Variants in TANC1 observed in about 807,000 individuals in gnomAD.
The protein encoded by TANC1 is tetratricopeptide repeat, ankyrin repeat and coiled-coil containing 1, also known as protein TANC1.
In TANC1, 77 loss-of-function variants were observed where a neutral mutation model predicts 149.7. That is an observed-to-expected ratio of 0.51 (90% CI 0.43 to 0.62). TANC1 has a LOEUF of 0.62. Ranked by LOEUF, TANC1 falls within the 20% of genes least tolerant of loss-of-function variation. The pLI is 0.00. For synonymous variants in TANC1, 854 were observed against 925.0 expected (o/e 0.92, Z 1.39); for missense variants, 1,985 against 2,321.8 (o/e 0.85, Z 2.98).
chr2:159,182,532 C>T (rs2150573517), intron 14 of TANC1, among the ~76,000 whole-genome samples: 1 of 152,274 alleles, frequency 6.6e-6, no homozygotes, highest in South Asian at 2.1e-4. Context: ...TAGTTTCTCT[C>T]CTCATCTTTT....
At position 159,219,228 on chromosome 2, in the gene TANC1, T is replaced by C; in HGVS notation, c.3379-10T>C. ...AGCAGGAGGATGGTAATTCCAAATG[T>C]CTCTTCCAGATTGTTAGACTGCTGT... On this transcript the variant is annotated splice_polypyrimidine_tract_variant and intron_variant, in intron 20 of 26. Coordinates refer to ENST00000263635, the MANE Select transcript of TANC1 (RefSeq NM_033394.3). 1 of 1,614,086 alleles carries C rather than the reference T, an allele frequency of 6.2e-7. No individual in the cohort carries two copies. Among genetic ancestry groups the C allele is most frequent in the Non-Finnish European group, 8.5e-7 (1 of 1,179,986 alleles).
chr2:159,096,826 A>G (rs1008230782), intron 3 of TANC1, among the ~76,000 whole-genome samples: 1 of 152,176 alleles, frequency 6.6e-6, no homozygotes, highest in African/African-American at 2.4e-5. Context: ...TTGGCGGGAA[A>G]GTTGTTGACT....
rs574940957 is a variant in TANC1, at chr2:158,985,911, G to A, written c.-125-15169G>A. Among the ~76,000 whole-genome samples, 31 of 152,284 alleles carry A rather than the reference G, an allele frequency of 2.0e-4. 1 individual carries two copies. The highest frequency in any genetic ancestry group is 7.0e-4 in the African/African-American group (29 of 41,562). Reference sequence around the variant, plus strand: ...CTGCCTTGGCCTCTCAAAGTGCTGCGATTATAAGCATGAGCGACCGCACCC... The same window carrying A: ...CTGCCTTGGCCTCTCAAAGTGCTGCAATTATAAGCATGAGCGACCGCACCC... On this transcript the variant is annotated intron_variant, in intron 1 of 26. Coordinates refer to ENST00000263635, the MANE Select transcript of TANC1 (RefSeq NM_033394.3).
rs117422200 is a variant in TANC1, at chr2:159,211,946, C to T, written c.3245-5551C>T. On this transcript the variant is annotated intron_variant, in intron 19 of 26. Coordinates refer to ENST00000263635, the MANE Select transcript of TANC1 (RefSeq NM_033394.3). ...CAGGGTCCAACCCAGTTGCCATGCC[C>T]GGGGTGGCGCACTCGCCCCTTGTCA... is the stretch of plus-strand genomic sequence containing the variant. 4.9e-4 allele frequency among the ~76,000 whole-genome samples: 74 copies of T among 152,316 alleles called. No individual in the cohort carries two copies. In the East Asian group the frequency reaches 0.011, roughly 22 times the overall value.
intron 3 of TANC1, among the ~76,000 whole-genome samples, chr2:159,085,481 A>G (rs2044741226): frequency 6.6e-6 from 1 of 152,186 alleles, no homozygotes; most frequent in African/African-American, 2.4e-5. Flanking sequence ...GGGCCGATAT[A>G]CACAATGGGC....
At chr2:159,114,422 T>G (rs1468853372) in intron 4 of TANC1, among the ~76,000 whole-genome samples, 1 of 152,190 alleles carries the variant, frequency 6.6e-6, no homozygotes, top group Non-Finnish European at 1.5e-5. Flanking sequence ...GTTAATTTTT[T>G]CTTATAGTTT....
chr2:159,185,069 C>T (rs2056847747), intron 14 of TANC1, among the ~76,000 whole-genome samples: 1 of 152,144 alleles, frequency 6.6e-6, no homozygotes, highest in Non-Finnish European at 1.5e-5. Context: ...CTGCTTTTCC[C>T]CAACCAAACA....
In TANC1 at chr2:159,230,368, C is replaced by G; in HGVS notation, c.4942C>G (p.Leu1648Val). ...VDAAPPNQGG[L>V]ATCSDVRHPA... is the part of the protein sequence containing the mutation. ...CGCAGCCCCTCCAAACCAAGGTGGG[C>G]TGGCGACCTGCAGCGACGTGCGACA... Residue 1648 changes from leucine to valine, a missense_variant, in exon 27 of 27, where the codon CTG becomes GTG. Leu to Val is a conservative substitution (Grantham distance 32, BLOSUM62 1). This residue lies in a region of TANC1 where 920 missense variants were observed against 994.7 expected (regional missense o/e 0.92). Coordinates refer to ENST00000263635, the MANE Select transcript of TANC1 (RefSeq NM_033394.3). The surrounding 1 kb of genome is among the most constrained non-coding windows in gnomAD (Gnocchi z 4.4). 6.2e-7 allele frequency: 1 copy of G among 1,614,158 alleles called. No individual in the cohort carries two copies. Among genetic ancestry groups the G allele is most frequent in the Non-Finnish European group, 8.5e-7 (1 of 1,180,038 alleles).
At chr2:159,217,911 C>T (rs1374374944) in intron 20 of TANC1, among the ~76,000 whole-genome samples, 1 of 152,138 alleles carries the variant, frequency 6.6e-6, no homozygotes, top group Admixed American at 6.6e-5. Context: ...GTGGATTCAT[C>T]GTGTTAACAG....
intron 14 of TANC1, among the ~76,000 whole-genome samples, chr2:159,180,161 GTTA>G (rs1248047797): frequency 6.6e-6 from 1 of 152,190 alleles, no homozygotes; most frequent in Non-Finnish European, 1.5e-5. Context: ...TGTTGGGGCT[GTTA>G]TTATTTTCTT....
At chr2:159,206,663 C>G (rs946372678) in intron 19 of TANC1, among the ~76,000 whole-genome samples, 1 of 152,166 alleles carries the variant, frequency 6.6e-6, no homozygotes, top group African/African-American at 2.4e-5. Flanking sequence ...GGAAGGATTA[C>G]ACTCCCACAG....
chr2:159,139,481 A>G (rs759937952), intron 5 of TANC1, among the ~76,000 whole-genome samples: 17 of 152,222 alleles, frequency 1.1e-4, no homozygotes, highest in Non-Finnish European at 2.4e-4. Flanking sequence ...TTTACCCACA[A>G]ACAATATCTG....
chr2:159,053,021 GA>G (rs1355419280), intron 2 of TANC1, among the ~76,000 whole-genome samples: 2 of 152,148 alleles, frequency 1.3e-5, no homozygotes, highest in Non-Finnish European at 2.9e-5. Flanking sequence ...ACAGATTGCT[GA>G]AGCCATCCAT....
chr2:159,065,692 T>C (rs1363479253), intron 2 of TANC1, among the ~76,000 whole-genome samples: 2 of 151,960 alleles, frequency 1.3e-5, no homozygotes, highest in African/African-American at 4.8e-5. Flanking sequence ...GAGCACTTCA[T>C]TAAAAGTTAT....
intron 4 of TANC1, among the ~76,000 whole-genome samples, chr2:159,109,266 C>T (rs2047485401): frequency 6.6e-6 from 1 of 152,220 alleles, no homozygotes; most frequent in Non-Finnish European, 1.5e-5. Flanking sequence ...GGATTCATGT[C>T]CCGGCTCTGT....
At chr2:159,127,319 C>G (rs6747831) in intron 4 of TANC1, among the ~76,000 whole-genome samples, 65,899 of 152,080 alleles carry the variant, frequency 0.43, 14,700 homozygotes, top group Admixed American at 0.53. Context: ...AACAGATGCT[C>G]GTGAGGCTGT....
intron 4 of TANC1, among the ~76,000 whole-genome samples, chr2:159,102,920 G>T (rs191508793): frequency 2.3e-5 from 2 of 87,484 alleles, no homozygotes; most frequent in African/African-American, 3.2e-5. Flanking sequence ...GGGTTTCACC[G>T]TGTTAGCCAG....
chr2:159,172,950 T>C (rs958991262), intron 11 of TANC1, among the ~76,000 whole-genome samples: 2 of 152,060 alleles, frequency 1.3e-5, no homozygotes, highest in African/African-American at 4.8e-5. Flanking sequence ...GGGAGGTTGG[T>C]GAGGGGAGCT....
chr2:159,183,114 G>T (rs763892631), intron 14 of TANC1, among the ~76,000 whole-genome samples: 63 of 152,198 alleles, frequency 4.1e-4, no homozygotes, highest in African/African-American at 1.0e-3. Flanking sequence ...TGGGGACTTG[G>T]GGGGACTGGG....
Sources: gnomAD v4.1 joint callset for allele counts (sites outside exome capture counted in the v4.1 genomes callset) on GRCh38, gnomAD v4.1.1 for gene constraint, gnomAD v4.1.1 regional missense constraint, Gnocchi (gnomAD v3.1) non-coding constraint, MANE v1.5 for transcripts, NCBI Gene and HGNC (gene_info 2026-07-23, HGNC 2026-07-21) for gene names.